The following ABCA8 variants were observed in gnomAD, a reference collection of about 807,000 sequenced individuals.
ABCA8 encodes ATP binding cassette subfamily A member 8.
ABCA8 carries 177 observed loss-of-function variants against 192.3 expected under a neutral mutation model. The observed-to-expected ratio is 0.92, with a 90% CI of 0.81 to 1.04. The LOEUF (loss-of-function observed/expected upper bound fraction) is 1.04, where lower values mean the gene tolerates loss of function less well. Among genes scored for constraint, ABCA8 ranks in the 50% least tolerant of loss-of-function variants. ABCA8 has a pLI of 0.00. For missense variants in ABCA8, 1,915 were observed against 1,904.8 expected (o/e 1.01, Z -0.10); for synonymous variants, 642 against 690.2 (o/e 0.93, Z 1.09).
intron 10 of ABCA8, 95 bp downstream of exon 10, chr17:68,927,821 G>A: frequency 1.0e-6 from 1 of 998,858 alleles, no homozygotes; most frequent in Non-Finnish European, 1.4e-6. Context: ...ACACAAAATA[G>A]TTCTTAAAAT....
At chr17:68,876,355 G>C (rs908864065) in intron 35 of ABCA8, 105 bp downstream of exon 35, 16 of 1,293,652 alleles carry the variant, frequency 1.2e-5, no homozygotes, top group Admixed American at 4.3e-5. Context: ...TAGTTTTTTT[G>C]TTCTCCACAA....
At chr17:68,886,157 C>G (rs1051614009) in intron 26 of ABCA8, among the ~76,000 whole-genome samples, 9 of 152,178 alleles carry the variant, frequency 5.9e-5, no homozygotes, top group African/African-American at 1.9e-4. Context: ...ATTTCTCTGT[C>G]TTCCAAACCA....
At chr17:68,948,287 G>A (rs2068471251) in intron 2 of ABCA8, among the ~76,000 whole-genome samples, 3 of 152,142 alleles carry the variant, frequency 2.0e-5, no homozygotes, top group Non-Finnish European at 4.4e-5. Flanking sequence ...GGGTCAAATT[G>A]TATTTCTGAT....
chr17:68,939,249 A>G (rs2068158224), intron 4 of ABCA8, among the ~76,000 whole-genome samples: 1 of 152,166 alleles, frequency 6.6e-6, no homozygotes, highest in Admixed American at 6.6e-5. Context: ...TGAAGTATGC[A>G]TTTATAGTTG....
chr17:68,934,053 A>G (rs1045571878), intron 5 of ABCA8, among the ~76,000 whole-genome samples: 4 of 152,232 alleles, frequency 2.6e-5, no homozygotes, highest in South Asian at 4.1e-4. Flanking sequence ...AACGTTATGT[A>G]TATATATATG....
intron 9 of ABCA8, among the ~76,000 whole-genome samples, chr17:68,928,662 C>T (rs2067766607): frequency 6.6e-6 from 1 of 151,954 alleles, no homozygotes; most frequent in Non-Finnish European, 1.5e-5. Flanking sequence ...ATGAATTTTC[C>T]AGATGTTTTA....
At chr17:68,898,530 A>T (rs1304949107) in intron 21 of ABCA8, among the ~76,000 whole-genome samples, 1 of 152,176 alleles carries the variant, frequency 6.6e-6, no homozygotes, top group African/African-American at 2.4e-5. Context: ...GCCAAAGAGG[A>T]TCAGCAAACA....
chr17:68,937,012 A>G lies in ABCA8; in HGVS notation c.405T>C (p.Tyr135=). 1.2e-6 allele frequency: 2 copies of G among 1,610,672 alleles called. No homozygotes were observed. Among genetic ancestry groups the G allele is most frequent in the Non-Finnish European group, 1.7e-6 (2 of 1,178,606 alleles). ...CATGTCCTAGCAAGAACTTCAAATG[A>G]TATGAGTATGTATTAGTAAAGGTGA... ...VRVTFTNTYS[Y]HLKFLLGHGM... The change falls in exon 5 of 40, where the codon TAT becomes TAC. Residue 135 remains tyrosine, a synonymous_variant. Transcript: ENST00000586539.
At chr17:68,941,508 A>C (rs2068229547) in intron 3 of ABCA8, among the ~76,000 whole-genome samples, 1 of 152,184 alleles carries the variant, frequency 6.6e-6, no homozygotes, top group Non-Finnish European at 1.5e-5. Context: ...ATACAATTCC[A>C]ACTTTTCTAC....
chr17:68,887,592 T>G, intron 24 of ABCA8, 86 bp from the exon 25 acceptor site: 2 of 1,134,886 alleles, frequency 1.8e-6, no homozygotes, highest in Non-Finnish European at 1.2e-6. Context: ...AACCTTTATT[T>G]GTAACAATTC....
At chr17:68,881,383 C>T (rs778281833) in intron 31 of ABCA8, among the ~76,000 whole-genome samples, 172 bp from the exon 32 acceptor site, 7 of 152,216 alleles carry the variant, frequency 4.6e-5, no homozygotes, top group Non-Finnish European at 8.8e-5. Context: ...GGGGCAGAAG[C>T]TCTCAATGAT....
Position 68,887,327 on chromosome 17 carries a change from G to T in ABCA8, c.3315+9C>A. ...GAATATTGTCACTTACTTGGATATT[G>T]TCACTTACTTGAATAATATGAATTA... On this transcript the variant is annotated intron_variant, in intron 25 of 39. Coordinates refer to ENST00000586539, the MANE Select transcript of ABCA8 (RefSeq NM_001288985.2). The T allele has an allele frequency of 1.9e-6, 3 of 1,584,216 alleles. No individual in the cohort carries two copies. The highest frequency in any genetic ancestry group is 1.7e-6 in the Non-Finnish European group (2 of 1,162,260).
intron 17 of ABCA8, among the ~76,000 whole-genome samples, chr17:68,913,476 A>T (rs1181741879): frequency 6.6e-6 from 1 of 152,014 alleles, no homozygotes; most frequent in Non-Finnish European, 1.5e-5. Flanking sequence ...CAAAATGGAC[A>T]AACTTTTAGC....
Position 68,924,589 on chromosome 17 carries a change from T to G in ABCA8, c.1442+112A>C, listed in dbSNP as rs574180544. On this transcript the variant is annotated intron_variant, in intron 11 of 39. Coordinates refer to ENST00000586539, the MANE Select transcript of ABCA8 (RefSeq NM_001288985.2). ...TGGAAAGTGACAGAAGCAGCATAGG[T>G]GAGGACAGGTGGGAACTGTCTACAG... 9 of 1,169,904 alleles carry G rather than the reference T, an allele frequency of 7.7e-6. 1 individual carries two copies. In the East Asian group the frequency reaches 1.2e-4, roughly 16 times the overall value. 72.5% of individuals were successfully genotyped at this position (1,169,904 alleles called of 1,614,324 possible).
intron 1 of ABCA8, among the ~76,000 whole-genome samples, chr17:68,952,956 A>C (rs1439560965): frequency 6.6e-6 from 1 of 152,194 alleles, no homozygotes; most frequent in Non-Finnish European, 1.5e-5. Flanking sequence ...AGTTTATTGC[A>C]GCAGGCACAT....
intron 21 of ABCA8, among the ~76,000 whole-genome samples, chr17:68,898,154 C>A (rs2066813100): frequency 6.6e-6 from 1 of 152,126 alleles, no homozygotes; most frequent in Non-Finnish European, 1.5e-5. Flanking sequence ...ACAAAGGAAG[C>A]CAGAACACAG....
rs547539484 is a variant in ABCA8, at chr17:68,932,989, A to G, written c.570+179T>C. Among the ~76,000 whole-genome samples, 10 of 152,282 alleles carry G rather than the reference A, an allele frequency of 6.6e-5. No individual in the cohort carries two copies. In the South Asian group the frequency reaches 2.1e-3, roughly 32 times the overall value. Reference sequence around the variant, plus strand: ...CAACAAAGTTGAGTCCATGAATGAGATACTTTTTCTTCTGTTTGTATCTAC... The same window carrying G: ...CAACAAAGTTGAGTCCATGAATGAGGTACTTTTTCTTCTGTTTGTATCTAC... On this transcript the variant is annotated intron_variant, in intron 6 of 39. Coordinates refer to ENST00000586539, the MANE Select transcript of ABCA8 (RefSeq NM_001288985.2).
chr17:68,901,109 C>T (rs1411569143), intron 21 of ABCA8, among the ~76,000 whole-genome samples: 2 of 152,106 alleles, frequency 1.3e-5, no homozygotes, highest in South Asian at 2.1e-4. Context: ...AAAATGTGTA[C>T]ATCAGGTGAC....
Position 68,928,014 on chromosome 17 carries a change from G to A in ABCA8, c.1175C>T (p.Ser392Leu), listed in dbSNP as rs143566631. ...DLNSNAFPHP[S>L]DGSNLIVATN... ...TGCTACAATGAGATTTGAGCCGTCC[G>A]ATGGATGAGGAAATGCATTAGAATT... is the stretch of plus-strand genomic sequence containing the variant. The change falls in exon 10 of 40, where the codon TCG (serine) becomes TTG (leucine). Residue 392 changes from serine (S) to leucine (L), a missense_variant. By Grantham distance (145) the Ser-to-Leu change is moderately radical (BLOSUM62 -2). Coordinates refer to ENST00000586539, the MANE Select transcript of ABCA8 (RefSeq NM_001288985.2). 142 of 1,605,082 alleles carry A rather than the reference G, an allele frequency of 8.8e-5. No homozygotes were observed. The highest frequency in any genetic ancestry group is 1.2e-4 in the Non-Finnish European group (137 of 1,176,666).
Sources: allele counts gnomAD v4.1 joint callset (sites outside exome capture counted in the v4.1 genomes callset), GRCh38; gene constraint gnomAD v4.1.1; transcripts MANE v1.5; gene names NCBI Gene and HGNC (gene_info 2026-07-23, HGNC 2026-07-21).